Variants in SEC23B observed in about 807,000 individuals in gnomAD.
The protein encoded by SEC23B is protein transport protein Sec23B.
Under a neutral mutation model 104.3 loss-of-function variants are expected in SEC23B, and 77 were observed. That is an observed-to-expected ratio of 0.74 (90% CI 0.61 to 0.89). SEC23B has a LOEUF of 0.89. Ranked by LOEUF, SEC23B falls within the 40% of genes least tolerant of loss-of-function variation. SEC23B has a pLI of 0.00. For missense variants in SEC23B, 885 were observed against 949.4 expected (o/e 0.93, Z 0.89); for synonymous variants, 338 against 332.5 (o/e 1.02, Z -0.18).
In SEC23B at chr20:18,539,244, G is replaced by A. The variant is rs183202688; in HGVS notation, c.1405-3052G>A. ...AAAAAGGCCGGGTGCGGTGGCTCAC[G>A]CCTGTAATCCCAGCACTTTGGGAGG... On this transcript the variant is annotated intron_variant, in intron 12 of 19. Transcript: ENST00000650089. Among the ~76,000 whole-genome samples, 616 of 145,950 alleles carry A rather than the reference G, an allele frequency of 4.2e-3. 1 individual carries two copies. Among genetic ancestry groups the A allele is most frequent in the Middle Eastern group, 0.016 (4 of 244 alleles).
intron 18 of SEC23B, 48 bp downstream of exon 18, chr20:18,554,438 G>T: frequency 6.3e-7 from 1 of 1,594,726 alleles, no homozygotes; most frequent in South Asian, 1.1e-5. Flanking sequence ...TTTTATGATA[G>T]ATTGTTATTG....
intron 19 of SEC23B, among the ~76,000 whole-genome samples, chr20:18,560,094 TA>T (rs2060477851): frequency 1.5e-5 from 1 of 67,402 alleles, no homozygotes; most frequent in Admixed American, 2.0e-4. Flanking sequence ...TAAAGTGTAT[TA>T]TTGTGTGTGT....
At chr20:18,543,731 A>G (rs1402713134) in intron 14 of SEC23B, among the ~76,000 whole-genome samples, 1 of 149,840 alleles carries the variant, frequency 6.7e-6, no homozygotes, top group East Asian at 2.0e-4. Flanking sequence ...GCTGATCCAG[A>G]CCTAGTTGGG....
intron 4 of SEC23B, among the ~76,000 whole-genome samples, chr20:18,518,594 T>TG (rs927997698): frequency 6.9e-6 from 1 of 145,334 alleles, no homozygotes; most frequent in African/African-American, 2.5e-5. Flanking sequence ...TTTTTTTTTT[T>TG]TTTTTTTTTT....
intron 17 of SEC23B, among the ~76,000 whole-genome samples, chr20:18,553,218 TTC>T (rs1389537394): frequency 6.6e-6 from 1 of 152,218 alleles, no homozygotes; most frequent in African/African-American, 2.4e-5. Context: ...AACGCGAGTG[TTC>T]TTATGAACTT....
chr20:18,523,763 G>A (rs2060108151), intron 4 of SEC23B, among the ~76,000 whole-genome samples: 1 of 151,182 alleles, frequency 6.6e-6, no homozygotes, highest in African/African-American at 2.4e-5. Flanking sequence ...GGTATGTAGT[G>A]GTACAACCAT....
intron 6 of SEC23B, 89 bp downstream of exon 6, chr20:18,525,109 A>G: frequency 1.7e-6 from 2 of 1,150,244 alleles, no homozygotes; most frequent in Non-Finnish European, 2.6e-6. Context: ...TAGAATTTGT[A>G]TTTTCTTATT....
chr20:18,529,370 T>C lies in SEC23B; in HGVS notation c.1110-1310T>C, dbSNP rs890332326. 2.6e-5 allele frequency among the ~76,000 whole-genome samples: 4 copies of C among 152,242 alleles called. No individual in the cohort carries two copies. In the South Asian group the frequency reaches 8.3e-4, roughly 32 times the overall value. On this transcript the variant is annotated intron_variant, in intron 9 of 19. Transcript: ENST00000650089. ...GACAGCTTGGGGAGGAAGCTCCCAA[T>C]GCTGGAGGAGTTCAAGCCTAGTCTG...
At position 18,551,116 on chromosome 20, in the gene SEC23B, C is replaced by T; in HGVS notation, c.1933C>T (p.Leu645=). The T allele has an allele frequency of 6.2e-7, 1 of 1,607,506 alleles. No individual in the cohort carries two copies. The highest frequency in any genetic ancestry group is 8.5e-7 in the Non-Finnish European group (1 of 1,177,914). The change falls in exon 17 of 20, where the codon CTA becomes TTA. Residue 645 remains leucine (L), a synonymous_variant. Transcript: ENST00000650089. ...AGTACTCTTGGATAGCAGCAGCATT[C>T]TAGCTGACAGAATTTTGCTGATGGA... The part of the protein sequence containing the change: ...EPVLLDSSSI[L]ADRILLMDTF...
chr20:18,525,203 T>A (rs1288804489), intron 6 of SEC23B, among the ~76,000 whole-genome samples, 183 bp downstream of exon 6: 2 of 152,258 alleles, frequency 1.3e-5, no homozygotes, highest in Admixed American at 6.5e-5. Flanking sequence ...GCTCAATTGC[T>A]GTTTTTAGAC....
intron 18 of SEC23B, 48 bp from the exon 19 acceptor site, chr20:18,555,060 A>G (rs761073176): frequency 4.6e-6 from 7 of 1,530,842 alleles, no homozygotes; most frequent in Non-Finnish European, 6.3e-6. Flanking sequence ...ATTAATATTA[A>G]TGTCACTTTT....
intron 4 of SEC23B, among the ~76,000 whole-genome samples, chr20:18,517,283 T>C (rs62216378): frequency 0.13 from 19,058 of 152,152 alleles, 1,300 homozygotes; most frequent in Admixed American, 0.18. Context: ...GCAGTGGAGT[T>C]ACGAGCAATG....
intron 3 of SEC23B, among the ~76,000 whole-genome samples, chr20:18,514,870 T>C (rs1406277992): frequency 6.6e-6 from 1 of 152,234 alleles, no homozygotes; most frequent in Non-Finnish European, 1.5e-5. Context: ...CCAATTTTTC[T>C]ACATTCCGTA....
chr20:18,515,773 A>G, intron 4 of SEC23B, 37 bp downstream of exon 4: 1 of 1,233,094 alleles, frequency 8.1e-7, no homozygotes. Flanking sequence ...AGCAATGTTA[A>G]ATACTGAATT....
chr20:18,538,255 T>C (rs1178646340), intron 12 of SEC23B, among the ~76,000 whole-genome samples: 2 of 147,460 alleles, frequency 1.4e-5, no homozygotes, highest in African/African-American at 4.9e-5. Flanking sequence ...ATTTCTTTTT[T>C]TTTTTTTTTT....
At chr20:18,519,765 G>C (rs1341791540) in intron 4 of SEC23B, among the ~76,000 whole-genome samples, 3 of 152,132 alleles carry the variant, frequency 2.0e-5, no homozygotes, top group Non-Finnish European at 2.9e-5. Flanking sequence ...GGTAAAACTA[G>C]GTATCCAAAG....
intron 16 of SEC23B, among the ~76,000 whole-genome samples, chr20:18,550,771 G>A (rs192098964): frequency 2.0e-5 from 3 of 151,844 alleles, no homozygotes; most frequent in Admixed American, 6.6e-5. Context: ...GCTGCAGTGA[G>A]CCAGGGTCAC....
At chr20:18,531,687 T>C (rs2060189099) in intron 10 of SEC23B, among the ~76,000 whole-genome samples, 1 of 145,258 alleles carries the variant, frequency 6.9e-6, no homozygotes, top group Admixed American at 6.9e-5. Flanking sequence ...CATTTTGAGA[T>C]TTTTTTTTTC....
intron 19 of SEC23B, among the ~76,000 whole-genome samples, chr20:18,559,374 A>G (rs1009614253): frequency 2.6e-5 from 4 of 152,008 alleles, no homozygotes; most frequent in African/African-American, 9.7e-5. Flanking sequence ...AGGCTCCCCA[A>G]ATGGCCTCTA....
Sources: gnomAD v4.1 joint callset for allele counts (sites outside exome capture counted in the v4.1 genomes callset) on GRCh38, gnomAD v4.1.1 for gene constraint, MANE v1.5 for transcripts, NCBI Gene and HGNC (gene_info 2026-07-23, HGNC 2026-07-21) for gene names.